CDC42BPA: variants seen among roughly 807,000 people sequenced by gnomAD.
CDC42BPA encodes the protein CDC42 binding protein kinase alpha, also known as serine/threonine-protein kinase MRCK alpha.
Under a neutral mutation model 223.5 loss-of-function variants are expected in CDC42BPA, and 80 were observed. The ratio of observed to expected loss-of-function variants is 0.36; its 90% confidence interval spans 0.30 to 0.43. CDC42BPA has a LOEUF of 0.43. CDC42BPA is among the 20% of genes least tolerant of loss of function. The probability of loss-of-function intolerance (pLI) is 1.00; values close to 1 mark genes in which losing one functional copy is unlikely to be tolerated. For synonymous variants in CDC42BPA, 694 were observed against 718.6 expected (o/e 0.97, Z 0.55); for missense variants, 1,743 against 2,099.9 (o/e 0.83, Z 3.32).
At chr1:227,071,620 C>T (rs1678350224) in intron 20 of CDC42BPA, among the ~76,000 whole-genome samples, 1 of 151,562 alleles carries the variant, frequency 6.6e-6, no homozygotes, top group African/African-American at 2.4e-5. Flanking sequence ...AAAATGCCCC[C>T]CAAAATTTTC....
intron 11 of CDC42BPA, among the ~76,000 whole-genome samples, chr1:227,123,280 T>C (rs1688987253): frequency 6.6e-6 from 1 of 152,148 alleles, no homozygotes; most frequent in South Asian, 2.1e-4. Context: ...CCAGCCTGGG[T>C]GACAGAATGA....
At chr1:227,236,953 G>A (rs1679151809) in intron 2 of CDC42BPA, among the ~76,000 whole-genome samples, 1 of 148,612 alleles carries the variant, frequency 6.7e-6, no homozygotes, top group Admixed American at 6.8e-5. Flanking sequence ...TGAGGTATGA[G>A]GATCAACTGA....
intron 14 of CDC42BPA, among the ~76,000 whole-genome samples, chr1:227,107,827 T>A (rs561401912): frequency 1.3e-5 from 2 of 152,230 alleles, no homozygotes; most frequent in East Asian, 3.9e-4. Context: ...GTTATTTGTA[T>A]CCTTCTAAGA....
intron 21 of CDC42BPA, among the ~76,000 whole-genome samples, chr1:227,055,499 A>G (rs1674359168): frequency 6.6e-6 from 1 of 152,170 alleles, no homozygotes; most frequent in Admixed American, 6.5e-5. Context: ...CCTATGATTC[A>G]GTTTAATTAT....
intron 9 of CDC42BPA, among the ~76,000 whole-genome samples, chr1:227,141,483 G>A (rs975187492): frequency 1.3e-5 from 2 of 152,132 alleles, no homozygotes; most frequent in Non-Finnish European, 2.9e-5. Flanking sequence ...CTTACTAGAG[G>A]CTTGCACAGT....
rs567426783 is a variant in CDC42BPA, at chr1:227,316,039, G to C, written c.178+966C>G. 2.7e-5 allele frequency among the ~76,000 whole-genome samples: 4 copies of C among 150,284 alleles called. No individual in the cohort carries two copies. In the East Asian group the frequency reaches 7.8e-4, roughly 29 times the overall value. The stretch of plus-strand genomic sequence containing the variant: ...GTTTTACTTGGGAACAGATATTTTA[G>C]CATAAGAACTTAGCATAAGAACAAA... On this transcript the variant is annotated intron_variant, in intron 1 of 36. Coordinates refer to ENST00000366766, the MANE Select transcript of CDC42BPA (RefSeq NM_001394014.1).
In CDC42BPA at chr1:227,145,000, A is replaced by G. The variant is rs376134944; in HGVS notation, c.1143+489T>C. ...TAGTACTACTGTCCCAGACCAAGTC[A>G]GTAGTGGGGATGGACGTGTGTGGTA... On this transcript the variant is annotated intron_variant, in intron 8 of 36. Transcript: ENST00000366766. Among the ~76,000 whole-genome samples the G allele has an allele frequency of 1.6e-4, 24 of 152,332 alleles. No individual in the cohort carries two copies. In the East Asian group the frequency reaches 4.2e-3, roughly 27 times the overall value.
intron 35 of CDC42BPA, 126 bp from the exon 36 acceptor site, chr1:226,995,106 G>A: frequency 1.3e-6 from 1 of 787,542 alleles, no homozygotes; most frequent in Non-Finnish European, 2.0e-6. Flanking sequence ...CTGAAGCGCA[G>A]TAAGTCCAAC....
At chr1:227,163,105 C>T (rs1201451009) in intron 5 of CDC42BPA, among the ~76,000 whole-genome samples, 1 of 59,978 alleles carries the variant, frequency 1.7e-5, no homozygotes, top group African/African-American at 6.5e-5. Flanking sequence ...TGTTTCCAAA[C>T]ATATATGTGT....
At chr1:227,284,289 G>A (rs1395796782) in intron 1 of CDC42BPA, among the ~76,000 whole-genome samples, 1 of 152,142 alleles carries the variant, frequency 6.6e-6, no homozygotes, top group Non-Finnish European at 1.5e-5. Context: ...TCCTTGAAAT[G>A]AAAAGCTGAA....
At chr1:227,090,369 A>C (rs1465152407) in intron 16 of CDC42BPA, among the ~76,000 whole-genome samples, 2 of 152,226 alleles carry the variant, frequency 1.3e-5, no homozygotes, top group Admixed American at 6.5e-5. Context: ...TTTACAAGTC[A>C]AGGTCTTTCA....
At chr1:227,244,533 G>A (rs1306829236) in intron 2 of CDC42BPA, among the ~76,000 whole-genome samples, 16 of 151,660 alleles carry the variant, frequency 1.1e-4, no homozygotes, top group Admixed American at 7.9e-4. Flanking sequence ...TGCTAGAAAT[G>A]TACTATATCT....
chr1:227,024,602 T>C (rs1667915827), intron 31 of CDC42BPA, among the ~76,000 whole-genome samples: 1 of 152,176 alleles, frequency 6.6e-6, no homozygotes, highest in Admixed American at 6.5e-5. Context: ...TTTATAGTAC[T>C]GAAAGCAATA....
At chr1:227,039,763 T>C (rs1670998533) in intron 24 of CDC42BPA, among the ~76,000 whole-genome samples, 1 of 152,074 alleles carries the variant, frequency 6.6e-6, no homozygotes, top group Non-Finnish European at 1.5e-5. Context: ...CTTTCAGACA[T>C]AGTGGCAGAC....
intron 17 of CDC42BPA, among the ~76,000 whole-genome samples, chr1:227,074,632 G>A (rs181093254): frequency 6.6e-6 from 1 of 152,230 alleles, no homozygotes; most frequent in East Asian, 1.9e-4. Flanking sequence ...CTTCACCCTT[G>A]AAACACAGAA....
intron 9 of CDC42BPA, among the ~76,000 whole-genome samples, chr1:227,141,517 T>C (rs1659660556): frequency 6.6e-6 from 1 of 152,062 alleles, no homozygotes. Flanking sequence ...GAACAGAGAA[T>C]TTGGGTCTAA....
intron 2 of CDC42BPA, chr1:227,234,381 G>A (rs1191185009): frequency 1.3e-5 from 2 of 152,214 alleles, no homozygotes; most frequent in African/African-American, 2.4e-5. Context: ...TCCAGGAACA[G>A]TGGCCAAAAT....
intron 15 of CDC42BPA, among the ~76,000 whole-genome samples, chr1:227,095,900 GT>G (rs1455187898): frequency 6.6e-6 from 1 of 152,128 alleles, no homozygotes; most frequent in Non-Finnish European, 1.5e-5. Flanking sequence ...CAAGGAATAA[GT>G]TTTTGAAGAC....
chr1:227,082,202 A>AT (rs1166912912), intron 16 of CDC42BPA, among the ~76,000 whole-genome samples: 1 of 151,594 alleles, frequency 6.6e-6, no homozygotes, highest in Non-Finnish European at 1.5e-5. Context: ...CTAATTTTTT[A>AT]TTTTTTTATT....
Sources: allele counts gnomAD v4.1 joint callset (sites outside exome capture counted in the v4.1 genomes callset), GRCh38; gene constraint gnomAD v4.1.1; transcripts MANE v1.5; gene names NCBI Gene and HGNC (gene_info 2026-07-23, HGNC 2026-07-21).